HOOK3: variants seen among roughly 807,000 people sequenced by gnomAD.
HOOK3 encodes hook microtubule tethering protein 3, also known as protein Hook homolog 3.
HOOK3 carries 24 observed loss-of-function variants against 116.3 expected under a neutral mutation model. The ratio of observed to expected loss-of-function variants is 0.21; its 90% CI spans 0.15 to 0.29. HOOK3 has a LOEUF of 0.29. Among genes scored for constraint, HOOK3 ranks in the 10% least tolerant of loss-of-function variants. HOOK3 has a pLI of 1.00. For synonymous variants in HOOK3, 275 were observed against 283.0 expected (o/e 0.97, Z 0.28); for missense variants, 632 against 830.2 (o/e 0.76, Z 2.93).
intron 13 of HOOK3, among the ~76,000 whole-genome samples, chr8:42,977,847 A>G (rs1285062253): frequency 6.6e-6 from 1 of 152,192 alleles, no homozygotes; most frequent in Non-Finnish European, 1.5e-5. Context: ...AGCCTGGGCG[A>G]CAGAGTGAGA....
intron 8 of HOOK3, 98 bp downstream of exon 8, chr8:42,959,412 C>T (rs1176152527): frequency 1.1e-5 from 9 of 785,296 alleles, no homozygotes; most frequent in Admixed American, 5.0e-5. Context: ...TTAACTATAA[C>T]GCAACCCTTT....
intron 6 of HOOK3, among the ~76,000 whole-genome samples, chr8:42,956,774 G>A (rs949212091): frequency 6.6e-6 from 1 of 151,994 alleles, no homozygotes; most frequent in Non-Finnish European, 1.5e-5. Context: ...TAGTAGAGAT[G>A]GGTTTCTCCA....
chr8:43,022,013 A>G lies in HOOK3; in HGVS notation c.*3515A>G, dbSNP rs1410634439. Reference sequence around the variant, plus strand: ...CTCTTTTACCTATAAAATTCAGTGTATTAGTTTCATTACATAGGAGAAATT... The same window carrying G: ...CTCTTTTACCTATAAAATTCAGTGTGTTAGTTTCATTACATAGGAGAAATT... On this transcript the variant is annotated 3_prime_UTR_variant, in exon 22 of 22. Coordinates refer to ENST00000307602, the MANE Select transcript of HOOK3 (RefSeq NM_032410.4). 2 of 180,328 alleles carry G rather than the reference A, an allele frequency of 1.1e-5. No individual in the cohort carries two copies. Among genetic ancestry groups the G allele is most frequent in the Non-Finnish European group, 2.3e-5 (2 of 85,366 alleles). The allele number at this position is 180,328 out of a possible 1,614,324, so 11.2% of individuals were successfully genotyped here.
At position 43,014,175 on chromosome 8, in the gene HOOK3, A is replaced by G. The variant is rs1809663174; in HGVS notation, c.2016+775A>G. Reference sequence around the variant, plus strand: ...GTGGCACATGCTTGTAATCCCAGCTACTTGGGAGGCTGAGGCAGGAGAATC... The same window carrying G: ...GTGGCACATGCTTGTAATCCCAGCTGCTTGGGAGGCTGAGGCAGGAGAATC... On this transcript the variant is annotated intron_variant, in intron 21 of 21. Coordinates refer to ENST00000307602, the MANE Select transcript of HOOK3 (RefSeq NM_032410.4). Among the ~76,000 whole-genome samples the G allele has an allele frequency of 4.0e-5, 6 of 151,270 alleles. No individual in the cohort carries two copies. The South Asian group carries it at 1.3e-3, about 32-fold the overall frequency.
At chr8:43,011,196 T>C (rs533081866) in intron 19 of HOOK3, among the ~76,000 whole-genome samples, 1 of 152,212 alleles carries the variant, frequency 6.6e-6, no homozygotes, top group South Asian at 2.1e-4. Context: ...GGTTTCACTG[T>C]GTTAGCCAGG....
At chr8:42,922,962 AG>A (rs1807688274) in intron 2 of HOOK3, among the ~76,000 whole-genome samples, 1 of 152,202 alleles carries the variant, frequency 6.6e-6, no homozygotes, top group South Asian at 2.1e-4. Flanking sequence ...ATGTCTGTTA[AG>A]AGGCTGGTAT....
At chr8:42,923,203 AT>A (rs1332913679) in intron 2 of HOOK3, among the ~76,000 whole-genome samples, 1 of 152,244 alleles carries the variant, frequency 6.6e-6, no homozygotes, top group African/African-American at 2.4e-5. Context: ...AAAAAGACAG[AT>A]AATAACGAGT....
intron 13 of HOOK3, among the ~76,000 whole-genome samples, chr8:42,981,261 C>T (rs1029816881): frequency 4.0e-5 from 6 of 151,708 alleles, no homozygotes; most frequent in Non-Finnish European, 7.4e-5. Flanking sequence ...CCTTGTTGTT[C>T]AGGCTGGTCT....
At chr8:43,004,615 A>G (rs182511607) in intron 17 of HOOK3, among the ~76,000 whole-genome samples, 30 of 141,814 alleles carry the variant, frequency 2.1e-4, no homozygotes, top group African/African-American at 7.5e-4. Context: ...TGGGAGGCAG[A>G]GGTTGCAGTG....
intron 3 of HOOK3, among the ~76,000 whole-genome samples, chr8:42,927,963 A>G (rs188604146): frequency 6.6e-6 from 1 of 152,192 alleles, no homozygotes; most frequent in Non-Finnish European, 1.5e-5. Flanking sequence ...CCTGGCCAAC[A>G]TGGTGAATCC....
chr8:42,995,246 C>T, intron 15 of HOOK3, among the ~76,000 whole-genome samples: 1 of 151,450 alleles, frequency 6.6e-6, no homozygotes, highest in East Asian at 1.9e-4. Flanking sequence ...TCTAAACACT[C>T]ATTGTCTTGT....
intron 4 of HOOK3, among the ~76,000 whole-genome samples, chr8:42,938,681 G>C (rs1808025238): frequency 6.6e-6 from 1 of 151,112 alleles, no homozygotes; most frequent in South Asian, 2.1e-4. Flanking sequence ...TGAAATTCTG[G>C]GTTGAAAATG....
chr8:42,968,951 A>T (rs1438732334), intron 11 of HOOK3, among the ~76,000 whole-genome samples: 1 of 152,162 alleles, frequency 6.6e-6, no homozygotes, highest in African/African-American at 2.4e-5. Flanking sequence ...TATATAAATG[A>T]TACAGTGAAA....
At chr8:42,958,314 T>A (rs1399551868) in intron 7 of HOOK3, among the ~76,000 whole-genome samples, 1 of 151,516 alleles carries the variant, frequency 6.6e-6, no homozygotes, top group Non-Finnish European at 1.5e-5. Flanking sequence ...CAAGCTTTAA[T>A]TTTTTTTTAT....
At chr8:42,902,203 A>T (rs900183776) in intron 1 of HOOK3, among the ~76,000 whole-genome samples, 10 of 152,024 alleles carry the variant, frequency 6.6e-5, no homozygotes, top group African/African-American at 2.4e-4. Context: ...TTAAAAATAG[A>T]TCCCCAGCTT....
rs1586613404 is a variant in HOOK3, at chr8:42,966,499, G to A, written c.806G>A (p.Arg269Gln). Reference protein sequence around the residue: ...FRLEAAKDDYRIRCEELEKEI... With the variant: ...FRLEAAKDDYQIRCEELEKEI... ...CTAGAAGCAGCCAAAGATGATTATC[G>A]AATACGTTGTGAAGAGTTAGAAAAG... is the stretch of plus-strand genomic sequence containing the variant. Residue 269 changes from arginine to glutamine, a missense_variant, in exon 10 of 22, where the codon CGA becomes CAA. Physicochemically the swap from Arg to Gln is conservative, Grantham distance 43. This residue lies in a region of HOOK3 where 483 missense variants were observed against 648.1 expected (regional missense o/e 0.75). Coordinates refer to ENST00000307602, the MANE Select transcript of HOOK3 (RefSeq NM_032410.4). 1 of 1,614,102 alleles carries A rather than the reference G, an allele frequency of 6.2e-7. No individual in the cohort carries two copies. Among genetic ancestry groups the A allele is most frequent in the East Asian group, 2.2e-5 (1 of 44,884 alleles).
At chr8:42,957,446 TTTTA>T (rs1363534267) in intron 7 of HOOK3, among the ~76,000 whole-genome samples, 1 of 152,176 alleles carries the variant, frequency 6.6e-6, no homozygotes, top group Non-Finnish European at 1.5e-5. Flanking sequence ...AGTCATGAAT[TTTTA>T]TTTTTCTGTT....
In HOOK3 at chr8:43,028,240, G is replaced by C. The variant is rs934173579; in HGVS notation, c.*9742G>C. 8.1e-5 allele frequency: 15 copies of C among 184,292 alleles called. No homozygotes were observed. The highest frequency in any genetic ancestry group is 3.4e-5 in the Non-Finnish European group (3 of 87,042). 11.4% of individuals were successfully genotyped at this position (184,292 alleles called of 1,614,324 possible). A position where few individuals can be genotyped will look rare whatever the true frequency, so the allele number is the denominator to read the frequency against. ...ATGGTAGCTCATGCCTGTAGTCCCA[G>C]CTACTCCAGAGGTCGAGGCAGGAGC... On this transcript the variant is annotated 3_prime_UTR_variant, in exon 22 of 22. Coordinates refer to ENST00000307602, the MANE Select transcript of HOOK3 (RefSeq NM_032410.4).
intron 9 of HOOK3, 49 bp from the exon 10 acceptor site, chr8:42,966,424 G>C: frequency 1.3e-6 from 2 of 1,592,282 alleles, no homozygotes; most frequent in South Asian, 2.2e-5. Flanking sequence ...TAAGGAGAAT[G>C]AGGAGGCAGT....
Sources: allele counts gnomAD v4.1 joint callset (sites outside exome capture counted in the v4.1 genomes callset), GRCh38; gene constraint gnomAD v4.1.1; regional missense constraint gnomAD v4.1.1; transcripts MANE v1.5; gene names NCBI Gene and HGNC (gene_info 2026-07-23, HGNC 2026-07-21).